PDSS2: variants seen among roughly 807,000 people sequenced by gnomAD.
PDSS2 encodes all trans-polyprenyl-diphosphate synthase PDSS2.
Under a neutral mutation model 44.5 loss-of-function variants are expected in PDSS2, and 31 were observed. That is an observed-to-expected ratio of 0.70 (90% confidence interval 0.52 to 0.94). PDSS2 has a LOEUF of 0.94. Ranked by LOEUF, PDSS2 falls within the 40% of genes least tolerant of loss-of-function variation. The pLI, the probability that PDSS2 is intolerant of heterozygous loss-of-function variation, is 0.00. For missense variants in PDSS2, 452 were observed against 482.2 expected (o/e 0.94, Z 0.59); for synonymous variants, 157 against 180.3 (o/e 0.87, Z 1.03).
intron 3 of PDSS2, among the ~76,000 whole-genome samples, chr6:107,250,634 A>G (rs1048490235): frequency 1.3e-5 from 2 of 152,196 alleles, no homozygotes; most frequent in East Asian, 3.8e-4. Flanking sequence ...TTTATGGAAT[A>G]TATCACTCAA....
At chr6:107,252,826 G>C (rs958897717) in intron 3 of PDSS2, among the ~76,000 whole-genome samples, 2 of 151,658 alleles carry the variant, frequency 1.3e-5, no homozygotes, top group Admixed American at 1.3e-4. Context: ...AAAGAAATAG[G>C]CCACAAATTC....
Position 107,334,184 on chromosome 6 carries a change from TA to T in PDSS2, c.431+13del, listed in dbSNP as rs761017826. 6.8e-6 allele frequency: 11 copies of T among 1,612,496 alleles called. No homozygotes were observed. Among genetic ancestry groups the T allele is most frequent in the Non-Finnish European group, 9.3e-6 (11 of 1,178,874 alleles). On this transcript the variant is annotated intron_variant, in intron 2 of 7. Transcript: ENST00000369037. Reference sequence around the variant, plus strand: ...GATGTAGAGAGCAATGTCAAAAGACTAAATTCTTCTTACCATGAGTAGATCC... The same window carrying T: ...GATGTAGAGAGCAATGTCAAAAGACTAATTCTTCTTACCATGAGTAGATCC...
At chr6:107,243,230 T>A (rs2114794690) in intron 4 of PDSS2, among the ~76,000 whole-genome samples, 1 of 152,338 alleles carries the variant, frequency 6.6e-6, no homozygotes, top group Admixed American at 6.5e-5. Context: ...CACTATGCTT[T>A]CCTGCCATTT....
intron 5 of PDSS2, among the ~76,000 whole-genome samples, chr6:107,210,949 T>C (rs569991096): frequency 1.4e-3 from 209 of 151,288 alleles, no homozygotes; most frequent in African/African-American, 4.9e-3. Context: ...TGAGCCGAGA[T>C]TGCGCCACTG....
intron 2 of PDSS2, among the ~76,000 whole-genome samples, chr6:107,318,735 T>G (rs1777282452): frequency 6.6e-6 from 1 of 152,032 alleles, no homozygotes. Context: ...CCTGTAATTC[T>G]CAGCACTTTG....
chr6:107,188,920 T>C (rs1334817008), intron 7 of PDSS2, among the ~76,000 whole-genome samples: 1 of 152,208 alleles, frequency 6.6e-6, no homozygotes, highest in Non-Finnish European at 1.5e-5. Flanking sequence ...TTCATTTTTT[T>C]TGAGACAGGG....
intron 1 of PDSS2, among the ~76,000 whole-genome samples, chr6:107,365,994 C>T (rs542759236): frequency 5.9e-5 from 9 of 152,238 alleles, no homozygotes; most frequent in South Asian, 2.1e-4. Flanking sequence ...GACAACTACA[C>T]AGAAACTCAG....
chr6:107,459,163 C>T lies in PDSS2; in HGVS notation c.123G>A (p.Arg41=). Residue 41 remains arginine (R), a synonymous_variant, in exon 1 of 8, where the codon CGG becomes CGA. Transcript: ENST00000369037. This position sits in a 1 kb window ranked among gnomAD's most constrained non-coding sequence, Gnocchi z 4.3. ...TCCAGTGGGCCGGGGACTTGGAGGA[C>T]CGACCACGCCAAGAGCCCACCGAGG... is the stretch of plus-strand genomic sequence containing the variant. ...TISSVGSWRG[R]SSKSPAHWNQ... 6.2e-7 allele frequency: 1 copy of T among 1,614,092 alleles called. No individual in the cohort carries two copies. Among genetic ancestry groups the T allele is most frequent in the Non-Finnish European group, 8.5e-7 (1 of 1,180,030 alleles).
intron 6 of PDSS2, 57 bp from the exon 7 acceptor site, chr6:107,193,911 A>G (rs1772468001): frequency 1.8e-6 from 2 of 1,135,536 alleles, no homozygotes; most frequent in Non-Finnish European, 2.7e-6. Flanking sequence ...TAGTGCTTCT[A>G]TAATTTTTGC....
At chr6:107,434,021 C>A (rs139232192) in intron 1 of PDSS2, among the ~76,000 whole-genome samples, 4 of 152,240 alleles carry the variant, frequency 2.6e-5, no homozygotes, top group African/African-American at 7.2e-5. Flanking sequence ...CATTGATCAT[C>A]AGAGAAATAA....
intron 2 of PDSS2, among the ~76,000 whole-genome samples, chr6:107,319,699 T>C (rs139247908): frequency 6.6e-6 from 1 of 152,170 alleles, no homozygotes; most frequent in African/African-American, 2.4e-5. Flanking sequence ...AAAACAAAGT[T>C]TGCATAAAGT....
rs1224323840 is a variant in PDSS2 at position 107,459,500 on chromosome 6, C to G, written c.-215G>C. ...AAACAACAGTCCCAGCTCAGCACTG[C>G]CCCCGGCCACCCGGGGTAGAAACCA... On this transcript the variant is annotated 5_prime_UTR_variant, in exon 1 of 8. Coordinates refer to ENST00000369037, the MANE Select transcript of PDSS2 (RefSeq NM_020381.4). The surrounding 1 kb of genome is among the most constrained non-coding windows in gnomAD (Gnocchi z 4.3). 1.7e-6 allele frequency: 1 copy of G among 578,442 alleles called. No individual in the cohort carries two copies. The highest frequency in any genetic ancestry group is 3.1e-5 in the Admixed American group (1 of 32,006). 35.8% of individuals were successfully genotyped at this position (578,442 alleles called of 1,614,324 possible). A position where few individuals can be genotyped will look rare whatever the true frequency, so the allele number is the denominator to read the frequency against.
At chr6:107,168,464 T>C (rs1771435828) in intron 7 of PDSS2, among the ~76,000 whole-genome samples, 1 of 151,936 alleles carries the variant, frequency 6.6e-6, no homozygotes, top group Admixed American at 6.6e-5. Context: ...TTGGAGCATT[T>C]AGCCCATTTA....
chr6:107,448,306 G>T (rs1012397890), intron 1 of PDSS2, among the ~76,000 whole-genome samples: 1 of 152,070 alleles, frequency 6.6e-6, no homozygotes, highest in Non-Finnish European at 1.5e-5. Context: ...CAATGTCAGG[G>T]TTGCAAATTT....
intron 7 of PDSS2, among the ~76,000 whole-genome samples, chr6:107,156,078 T>C (rs959778032): frequency 1.4e-5 from 2 of 143,506 alleles, no homozygotes; most frequent in Admixed American, 1.4e-4. Context: ...TTGGTAGAGA[T>C]GGGGTTTTGC....
chr6:107,292,292 A>G (rs891402744), intron 2 of PDSS2, among the ~76,000 whole-genome samples: 2 of 152,102 alleles, frequency 1.3e-5, no homozygotes, highest in African/African-American at 4.8e-5. Context: ...AACTACTGGT[A>G]CTTTTGCAGA....
At chr6:107,392,921 C>A (rs957099480) in intron 1 of PDSS2, among the ~76,000 whole-genome samples, 1 of 151,980 alleles carries the variant, frequency 6.6e-6, no homozygotes, top group Non-Finnish European at 1.5e-5. Context: ...TCCTTTATAC[C>A]AAACTGGGGA....
intron 7 of PDSS2, among the ~76,000 whole-genome samples, chr6:107,163,690 TC>T (rs1199803558): frequency 1.3e-5 from 2 of 151,942 alleles, no homozygotes; most frequent in South Asian, 2.1e-4. Context: ...GAAGCCTCTG[TC>T]TCCCGGGTTC....
intron 1 of PDSS2, among the ~76,000 whole-genome samples, chr6:107,358,113 T>G (rs940181257): frequency 1.3e-5 from 2 of 152,168 alleles, no homozygotes; most frequent in Non-Finnish European, 2.9e-5. Flanking sequence ...ATGTGACAGG[T>G]TGCAGTCAAA....
Sources: allele counts gnomAD v4.1 joint callset (sites outside exome capture counted in the v4.1 genomes callset), GRCh38; gene constraint gnomAD v4.1.1; non-coding constraint Gnocchi (gnomAD v3.1); transcripts MANE v1.5; gene names NCBI Gene and HGNC (gene_info 2026-07-23, HGNC 2026-07-21).